Variants in WDR27 observed in about 807,000 individuals in gnomAD.
WDR27 encodes the protein WD repeat-containing protein 27.
A neutral mutation model predicts 114.4 loss-of-function variants in WDR27; 100 were observed. The observed-to-expected ratio is 0.87, with a 90% confidence interval of 0.74 to 1.03. WDR27 has a LOEUF of 1.03. WDR27 is among the 50% of genes least tolerant of loss of function. WDR27 has a pLI of 0.00. For synonymous variants in WDR27, 449 were observed against 423.1 expected (o/e 1.06, Z -0.75); for missense variants, 1,129 against 1,092.9 (o/e 1.03, Z -0.47).
intron 21 of WDR27, among the ~76,000 whole-genome samples, chr6:169,620,321 AAAGAT>A (rs1205327716): frequency 1.3e-5 from 2 of 152,222 alleles, no homozygotes; most frequent in African/African-American, 2.4e-5. Context: ...AGATAGCTAC[AAAGAT>A]AAGAAGCTAC....
chr6:169,574,988 T>A (rs184414016), intron 24 of WDR27, among the ~76,000 whole-genome samples: 100 of 152,276 alleles, frequency 6.6e-4, no homozygotes, highest in South Asian at 3.9e-3. Flanking sequence ...TATTTGTCTA[T>A]CTGCCTCTTT....
In WDR27 at chr6:169,546,144, C is replaced by G. The variant is rs115412536; in HGVS notation, c.2645+26275G>C. 2.0e-5 allele frequency among the ~76,000 whole-genome samples: 3 copies of G among 152,134 alleles called. No homozygotes were observed. The South Asian group carries it at 6.2e-4, about 32-fold the overall frequency. On this transcript the variant is annotated intron_variant, in intron 25 of 25. Coordinates refer to ENST00000448612, the MANE Select transcript of WDR27 (RefSeq NM_182552.5). ...ACAACATCAAATGCTGGCAAGGACACGAAGAAATGAATCACTCACACACAC... is the reference window on the plus strand; with the variant it reads ...ACAACATCAAATGCTGGCAAGGACAGGAAGAAATGAATCACTCACACACAC...
chr6:169,573,350 T>C (rs570792174), intron 24 of WDR27, among the ~76,000 whole-genome samples: 3 of 152,326 alleles, frequency 2.0e-5, no homozygotes, highest in South Asian at 2.1e-4. Context: ...AGTTTTTATA[T>C]CATCTTACAT....
chr6:169,575,318 C>T (rs1484400733), intron 24 of WDR27, among the ~76,000 whole-genome samples: 7 of 95,790 alleles, frequency 7.3e-5, no homozygotes, highest in South Asian at 8.8e-4. Context: ...CCATCCCTCC[C>T]TCCCTCTCTC....
intron 25 of WDR27, among the ~76,000 whole-genome samples, chr6:169,564,885 C>T (rs1800214807): frequency 6.6e-6 from 1 of 152,242 alleles, no homozygotes; most frequent in Non-Finnish European, 1.5e-5. Context: ...TGAACGCCCG[C>T]GTCCTCATGC....
chr6:169,649,858 CAATT>C (rs1821806741), intron 14 of WDR27, among the ~76,000 whole-genome samples: 1 of 148,930 alleles, frequency 6.7e-6, no homozygotes, highest in Non-Finnish European at 1.5e-5. Flanking sequence ...TCCCCCCCAT[CAATT>C]GAGCCACTCA....
Position 169,647,791 on chromosome 6 carries a change from A to C in WDR27, c.1639T>G (p.Cys547Gly), listed in dbSNP as rs1404827734. 1 of 1,583,776 alleles carries C rather than the reference A, an allele frequency of 6.3e-7. No homozygotes were observed. Among genetic ancestry groups the C allele is most frequent in the Non-Finnish European group, 8.6e-7 (1 of 1,165,336 alleles). ...GGCGCACCTGAGTACTGGATGCAGC[A>C]TACACGTGTGCAGGTGGGGGCGGCA... The part of the protein sequence containing the change: ...VAAAPTCTRV[C>G]CIQYSGDGQW... Residue 547 changes from cysteine to glycine, a missense_variant, in exon 16 of 26, where the codon TGC becomes GGC. Physicochemically the swap from Cys to Gly is radical, Grantham distance 159. Transcript: ENST00000448612.
intron 7 of WDR27, chr6:169,665,146 G>A (rs964365761): frequency 3.9e-6 from 4 of 1,033,886 alleles, no homozygotes; most frequent in Non-Finnish European, 4.6e-6. Context: ...TCTCCGGGGC[G>A]CGGGCAGCAC....
chr6:169,620,692 G>A (rs1260453800), intron 21 of WDR27, among the ~76,000 whole-genome samples: 1 of 152,144 alleles, frequency 6.6e-6, no homozygotes, highest in Non-Finnish European at 1.5e-5. Flanking sequence ...GACCACCATC[G>A]TCAGGAACTC....
chr6:169,666,186 G>A (rs6913363), intron 6 of WDR27, among the ~76,000 whole-genome samples: 36,235 of 152,084 alleles, frequency 0.24, 6,435 homozygotes, highest in African/African-American at 0.5. Flanking sequence ...CTTGGCAACC[G>A]AACAGTAATT....
the WDR27 span, among the ~76,000 whole-genome samples, chr6:169,437,046 T>A: frequency 6.6e-6 from 1 of 152,166 alleles, no homozygotes; most frequent in Admixed American, 6.5e-5. Context: ...GTAATGTGTA[T>A]GAGTAAGAAT....
intron 18 of WDR27, among the ~76,000 whole-genome samples, chr6:169,637,540 C>T (rs1817921029): frequency 1.3e-5 from 2 of 151,386 alleles, no homozygotes; most frequent in Admixed American, 6.6e-5. Context: ...TGTGTGTGTG[C>T]CTATTGCATG....
intron 23 of WDR27, among the ~76,000 whole-genome samples, chr6:169,597,459 G>A (rs1807035041): frequency 6.6e-6 from 1 of 151,992 alleles, no homozygotes; most frequent in African/African-American, 2.4e-5. Context: ...CCAGAAAGGT[G>A]GGCAGATGAA....
chr6:169,627,805 G>A (rs1306421964), intron 21 of WDR27, among the ~76,000 whole-genome samples: 2 of 152,146 alleles, frequency 1.3e-5, no homozygotes, highest in African/African-American at 4.8e-5. Flanking sequence ...GGCAGGCCTG[G>A]AGTCCAACTC....
intron 22 of WDR27, among the ~76,000 whole-genome samples, chr6:169,609,075 G>C (rs989239404): frequency 5.9e-5 from 9 of 152,238 alleles, no homozygotes; most frequent in African/African-American, 2.2e-4. Context: ...ACTGATGCAA[G>C]AGGTGGGTTC....
intron 21 of WDR27, among the ~76,000 whole-genome samples, chr6:169,629,479 A>G (rs953650723): frequency 1.3e-5 from 2 of 152,210 alleles, no homozygotes; most frequent in Non-Finnish European, 1.5e-5. Context: ...AACACCAAAA[A>G]TAAATTATAA....
chr6:169,561,934 A>G (rs912364595), intron 25 of WDR27, among the ~76,000 whole-genome samples: 9 of 152,348 alleles, frequency 5.9e-5, no homozygotes, highest in African/African-American at 2.2e-4. Flanking sequence ...CGGACAAAGT[A>G]TATTTCAAAG....
chr6:169,698,669 C>T (rs1330022032), intron 1 of WDR27, among the ~76,000 whole-genome samples: 1 of 152,250 alleles, frequency 6.6e-6, no homozygotes, highest in African/African-American at 2.4e-5. Flanking sequence ...AAGTCGAGGG[C>T]AGCCGTGCAC....
At chr6:169,628,996 T>G (rs1165040296) in intron 21 of WDR27, among the ~76,000 whole-genome samples, 1 of 152,164 alleles carries the variant, frequency 6.6e-6, no homozygotes, top group Non-Finnish European at 1.5e-5. Context: ...TACTAAGAGA[T>G]TTACATACAT....
Sources: gnomAD v4.1 joint callset for allele counts (sites outside exome capture counted in the v4.1 genomes callset) on GRCh38, gnomAD v4.1.1 for gene constraint, MANE v1.5 for transcripts, NCBI Gene and HGNC (gene_info 2026-07-23, HGNC 2026-07-21) for gene names.